MRAS: variants seen among roughly 807,000 people sequenced by gnomAD.
MRAS encodes the protein ras-related protein M-Ras.
MRAS carries 4 observed loss-of-function variants against 20.9 expected under a neutral mutation model. The observed-to-expected ratio is 0.19, with a 90% CI of 0.09 to 0.44. MRAS has a LOEUF of 0.44. Among genes scored for constraint, MRAS ranks in the 20% least tolerant of loss-of-function variants. MRAS has a pLI of 0.99. For synonymous variants in MRAS, 98 were observed against 102.9 expected (o/e 0.95, Z 0.29); for missense variants, 154 against 277.5 (o/e 0.56, Z 3.16).
At chr3:138,399,015 C>T (rs2055302744) in intron 4 of MRAS, among the ~76,000 whole-genome samples, 1 of 152,202 alleles carries the variant, frequency 6.6e-6, no homozygotes, top group Non-Finnish European at 1.5e-5. Flanking sequence ...TACAGGGGCC[C>T]CATAGGACTC....
chr3:138,353,298 A>G (rs2054265633), intron 1 of MRAS, among the ~76,000 whole-genome samples: 1 of 152,210 alleles, frequency 6.6e-6, no homozygotes, highest in Non-Finnish European at 1.5e-5. Flanking sequence ...TTTTCAGATT[A>G]AGCTAGTTAT....
intron 2 of MRAS, among the ~76,000 whole-genome samples, chr3:138,396,095 G>A (rs2055229934): frequency 6.6e-6 from 1 of 152,208 alleles, no homozygotes; most frequent in Non-Finnish European, 1.5e-5. Flanking sequence ...GGCCAGTGGA[G>A]AAGGGGAGGG....
At chr3:138,397,288 T>C (rs1576387756) in intron 2 of MRAS, 36 bp from the exon 3 acceptor site, 1 of 1,608,606 alleles carries the variant, frequency 6.2e-7, no homozygotes, top group Non-Finnish European at 8.5e-7. Flanking sequence ...ACAGGGTAGG[T>C]GAGGACAGCC....
At chr3:138,397,712 G>T (rs565598632) in intron 3 of MRAS, among the ~76,000 whole-genome samples, 2 of 152,228 alleles carry the variant, frequency 1.3e-5, no homozygotes, top group South Asian at 2.1e-4. Context: ...AATAGGAAAA[G>T]AACAAGCTTT....
At chr3:138,364,856 T>C (rs1275787099) in intron 1 of MRAS, among the ~76,000 whole-genome samples, 1 of 152,244 alleles carries the variant, frequency 6.6e-6, no homozygotes, top group Non-Finnish European at 1.5e-5. Context: ...CCCAGCTGTT[T>C]CACCCACATG....
intron 3 of MRAS, among the ~76,000 whole-genome samples, chr3:138,397,967 A>G (rs541760359): frequency 6.6e-6 from 1 of 152,346 alleles, no homozygotes; most frequent in East Asian, 1.9e-4. Flanking sequence ...ACCATTTTTC[A>G]CCTGTCAAAT....
At chr3:138,369,077 G>A (rs1342155757) in intron 1 of MRAS, among the ~76,000 whole-genome samples, 1 of 152,156 alleles carries the variant, frequency 6.6e-6, no homozygotes, top group East Asian at 1.9e-4. Context: ...ACAGTCCCAA[G>A]CCCTGGCTGA....
In MRAS at chr3:138,356,278, G is replaced by A. The variant is rs957103478; in HGVS notation, c.-19+7511G>A. Among the ~76,000 whole-genome samples the A allele has an allele frequency of 2.6e-5, 4 of 152,192 alleles. No homozygotes were observed. In the East Asian group the frequency reaches 5.8e-4, roughly 22 times the overall value. On this transcript the variant is annotated intron_variant, in intron 1 of 5. Transcript: ENST00000423968. ...TATTTGTGGGCATGTGGATCTGTGG[G>A]GAGATTGCTGGAGTGTAGTGGATTC... is the stretch of plus-strand genomic sequence containing the variant.
intron 1 of MRAS, among the ~76,000 whole-genome samples, chr3:138,371,559 C>T (rs1226277348): frequency 6.6e-6 from 1 of 152,170 alleles, no homozygotes; most frequent in African/African-American, 2.4e-5. Context: ...TTCCCAGTCA[C>T]ACGTACACCA....
intron 2 of MRAS, among the ~76,000 whole-genome samples, chr3:138,382,957 C>T (rs752242553): frequency 3.3e-5 from 5 of 152,198 alleles, no homozygotes; most frequent in Non-Finnish European, 5.9e-5. Flanking sequence ...CTTCCCTGGG[C>T]CTCAGTGTTG....
chr3:138,359,172 C>G (rs1280568492), intron 1 of MRAS, among the ~76,000 whole-genome samples: 1 of 152,132 alleles, frequency 6.6e-6, no homozygotes, highest in Non-Finnish European at 1.5e-5. Context: ...ATGCAGCAGT[C>G]ATTTAGGGCT....
chr3:138,360,585 C>T (rs1323225059), intron 1 of MRAS, among the ~76,000 whole-genome samples: 4 of 152,188 alleles, frequency 2.6e-5, no homozygotes, highest in African/African-American at 9.7e-5. Flanking sequence ...TGGGCTGGTG[C>T]CCACGGGTGT....
intron 2 of MRAS, among the ~76,000 whole-genome samples, chr3:138,381,242 G>A (rs1279245930): frequency 4.6e-5 from 7 of 152,136 alleles, no homozygotes; most frequent in Admixed American, 1.3e-4. Context: ...TCCTTCTTTC[G>A]TCTTAGAGTT....
chr3:138,352,366 C>A (rs2054246344), intron 1 of MRAS, among the ~76,000 whole-genome samples: 1 of 152,228 alleles, frequency 6.6e-6, no homozygotes, highest in South Asian at 2.1e-4. Context: ...AGCTGGCCAG[C>A]ATGATCTAAG....
chr3:138,361,171 C>T (rs1361567018), intron 1 of MRAS, among the ~76,000 whole-genome samples: 1 of 152,136 alleles, frequency 6.6e-6, no homozygotes, highest in Non-Finnish European at 1.5e-5. Flanking sequence ...AGGAAGGAAT[C>T]GTTTCTGGGG....
At chr3:138,365,459 C>T (rs2054540786) in intron 1 of MRAS, among the ~76,000 whole-genome samples, 1 of 152,256 alleles carries the variant, frequency 6.6e-6, no homozygotes, top group East Asian at 1.9e-4. Context: ...GTGTCCCTCC[C>T]TGACTTACTT....
At chr3:138,396,390 C>T (rs755185099) in intron 2 of MRAS, among the ~76,000 whole-genome samples, 30 of 152,208 alleles carry the variant, frequency 2.0e-4, no homozygotes, top group Non-Finnish European at 3.5e-4. Flanking sequence ...GCTCCCCTGC[C>T]TCACAGGAGA....
chr3:138,397,320 C>A lies in MRAS; in HGVS notation c.194-4C>A. 1 of 1,613,880 alleles carries A rather than the reference C, an allele frequency of 6.2e-7. No individual in the cohort carries two copies. The highest frequency in any genetic ancestry group is 8.5e-7 in the Non-Finnish European group (1 of 1,179,890). On this transcript the variant is annotated splice_region_variant and splice_polypyrimidine_tract_variant and intron_variant, in intron 2 of 5. Transcript: ENST00000423968. ...AGCCCCTGAGTGGCCTCATCCCACC[C>A]CAGTTCTGGACACAGCTGGGCAGGA...
At chr3:138,382,730 C>T (rs998625616) in intron 2 of MRAS, among the ~76,000 whole-genome samples, 3 of 152,210 alleles carry the variant, frequency 2.0e-5, no homozygotes, top group East Asian at 1.9e-4. Flanking sequence ...AGCCTGGGCT[C>T]GTTCCAGATT....
Sources: allele counts gnomAD v4.1 joint callset (sites outside exome capture counted in the v4.1 genomes callset), GRCh38; gene constraint gnomAD v4.1.1; transcripts MANE v1.5; gene names NCBI Gene and HGNC (gene_info 2026-07-23, HGNC 2026-07-21).